The following KCNH1 variants were observed in gnomAD, a reference collection of about 807,000 sequenced individuals.
KCNH1 encodes the protein potassium voltage-gated channel subfamily H member 1, also known as voltage-gated delayed rectifier potassium channel KCNH1.
KCNH1 carries 27 observed loss-of-function variants against 69.2 expected under a neutral mutation model. The ratio of observed to expected loss-of-function variants is 0.39; its 90% confidence interval spans 0.29 to 0.54. KCNH1 has a LOEUF of 0.54. Ranked by LOEUF, KCNH1 falls within the 20% of genes least tolerant of loss-of-function variation. KCNH1 has a pLI of 0.68. For synonymous variants in KCNH1, 456 were observed against 487.7 expected (o/e 0.93, Z 0.86); for missense variants, 798 against 1,261.6 (o/e 0.63, Z 5.57).
chr1:210,957,800 T>C (rs149837866), intron 6 of KCNH1, among the ~76,000 whole-genome samples: 2,175 of 152,308 alleles, frequency 0.014, 23 homozygotes, highest in Middle Eastern at 0.048. Context: ...TTTGGGCCTA[T>C]GTGTGTCTCT....
intron 7 of KCNH1, chr1:210,860,006 G>A (rs1685941155): frequency 6.3e-7 from 1 of 1,589,306 alleles, no homozygotes; most frequent in South Asian, 1.1e-5. Flanking sequence ...CCACGAATAA[G>A]GGAATGCACT....
At chr1:210,867,411 C>T (rs1275901551) in intron 7 of KCNH1, among the ~76,000 whole-genome samples, 1 of 150,330 alleles carries the variant, frequency 6.7e-6, no homozygotes, top group Non-Finnish European at 1.5e-5. Context: ...AAAGTGGGGG[C>T]AATGTCAAGT....
intron 3 of KCNH1, among the ~76,000 whole-genome samples, chr1:211,101,688 T>A (rs572176309): frequency 6.6e-6 from 1 of 152,276 alleles, no homozygotes; most frequent in African/African-American, 2.4e-5. Flanking sequence ...CCCTGCCTTG[T>A]ACTCACAATA....
chr1:211,005,835 A>G (rs993778004), intron 6 of KCNH1, among the ~76,000 whole-genome samples: 1 of 152,152 alleles, frequency 6.6e-6, no homozygotes, highest in Non-Finnish European at 1.5e-5. Flanking sequence ...TTTACAGCAC[A>G]TATAACCCAT....
chr1:210,703,327 A>G (rs1455983623), intron 10 of KCNH1, among the ~76,000 whole-genome samples: 1 of 152,232 alleles, frequency 6.6e-6, no homozygotes, highest in Non-Finnish European at 1.5e-5. Context: ...AAGCATATGA[A>G]AAAATACCAC....
intron 10 of KCNH1, among the ~76,000 whole-genome samples, chr1:210,692,382 C>A (rs555006724): frequency 6.6e-6 from 1 of 152,230 alleles, no homozygotes; most frequent in East Asian, 1.9e-4. Flanking sequence ...ATGAGATGTG[C>A]CCCTGGGTTG....
At chr1:211,110,707 T>C (rs886476490) in intron 1 of KCNH1, among the ~76,000 whole-genome samples, 2 of 152,038 alleles carry the variant, frequency 1.3e-5, no homozygotes, top group South Asian at 2.1e-4. Context: ...AGATAGTGTG[T>C]ACAGCTGATT....
intron 6 of KCNH1, among the ~76,000 whole-genome samples, chr1:210,949,197 G>A (rs967629161): frequency 4.6e-5 from 7 of 152,062 alleles, no homozygotes; most frequent in African/African-American, 1.2e-4. Context: ...ATTCAAAACC[G>A]ACCAACCTCA....
chr1:211,022,473 T>C (rs147373328), intron 5 of KCNH1, among the ~76,000 whole-genome samples: 120 of 152,202 alleles, frequency 7.9e-4, no homozygotes, highest in African/African-American at 2.8e-3. Flanking sequence ...AATAGCCAAA[T>C]AGGATTATAT....
intron 7 of KCNH1, among the ~76,000 whole-genome samples, chr1:210,850,380 G>A (rs758695496): frequency 1.6e-4 from 25 of 152,064 alleles, no homozygotes; most frequent in South Asian, 4.2e-4. Context: ...GCGTGGTGGC[G>A]CGCACCTGTA....
chr1:210,997,934 A>G (rs1689084929), intron 6 of KCNH1, among the ~76,000 whole-genome samples: 1 of 152,234 alleles, frequency 6.6e-6, no homozygotes, highest in Non-Finnish European at 1.5e-5. Context: ...TGAAGGAGAA[A>G]TAAAATCCTT....
intron 10 of KCNH1, among the ~76,000 whole-genome samples, chr1:210,774,454 C>T (rs1683821633): frequency 6.6e-6 from 1 of 152,116 alleles, no homozygotes; most frequent in Admixed American, 6.5e-5. Flanking sequence ...GAAGCAGCAT[C>T]AACGTTGATG....
chr1:210,833,554 A>C (rs1485490347), intron 7 of KCNH1, among the ~76,000 whole-genome samples: 4 of 152,204 alleles, frequency 2.6e-5, no homozygotes, highest in Non-Finnish European at 5.9e-5. Flanking sequence ...TAAAGACTTA[A>C]ACGTTAGACC....
intron 5 of KCNH1, among the ~76,000 whole-genome samples, chr1:211,032,688 C>T (rs1253586721): frequency 6.6e-6 from 1 of 152,138 alleles, no homozygotes; most frequent in African/African-American, 2.4e-5. Flanking sequence ...ATAAATGGTG[C>T]TGGGAAAACT....
intron 6 of KCNH1, among the ~76,000 whole-genome samples, chr1:210,944,994 T>G (rs1363330644): frequency 6.6e-6 from 1 of 152,244 alleles, no homozygotes; most frequent in Non-Finnish European, 1.5e-5. Context: ...GAAACCTATA[T>G]AAGTGGAATC....
intron 7 of KCNH1, chr1:210,862,358 G>A (rs1685997333): frequency 1.5e-6 from 1 of 665,654 alleles, no homozygotes; most frequent in Admixed American, 2.2e-5. Context: ...TGCACACATG[G>A]ACCTGCCGCA....
intron 7 of KCNH1, chr1:210,859,109 G>T (rs1278995771): frequency 1.4e-5 from 14 of 980,958 alleles, no homozygotes; most frequent in Non-Finnish European, 2.1e-5. Context: ...ACCAGTTCTA[G>T]AACCACTACT....
At chr1:210,728,752 G>T (rs1280702483) in intron 10 of KCNH1, among the ~76,000 whole-genome samples, 1 of 152,232 alleles carries the variant, frequency 6.6e-6, no homozygotes, top group Non-Finnish European at 1.5e-5. Flanking sequence ...GGCTTGAATA[G>T]ACAGCCCCTT....
intron 5 of KCNH1, among the ~76,000 whole-genome samples, chr1:211,037,206 ACT>A (rs1378651748): frequency 1.3e-5 from 2 of 151,978 alleles, no homozygotes; most frequent in Non-Finnish European, 2.9e-5. Flanking sequence ...AGGTGACATG[ACT>A]CACCCTGAGT....
Sources: allele counts gnomAD v4.1 joint callset (sites outside exome capture counted in the v4.1 genomes callset), GRCh38; gene constraint gnomAD v4.1.1; transcripts MANE v1.5; gene names NCBI Gene and HGNC (gene_info 2026-07-23, HGNC 2026-07-21).